Variants in SV2C observed in about 807,000 individuals in gnomAD.
The protein encoded by SV2C is synaptic vesicle glycoprotein 2C.
Under a neutral mutation model 79.7 loss-of-function variants are expected in SV2C, and 49 were observed. The ratio of observed to expected loss-of-function variants is 0.61; its 90% CI spans 0.49 to 0.78. The LOEUF is 0.78. SV2C is among the 30% of genes least tolerant of loss of function. SV2C has a pLI of 0.00. For synonymous variants in SV2C, 334 were observed against 333.2 expected (o/e 1.00, Z -0.03); for missense variants, 833 against 912.9 (o/e 0.91, Z 1.13).
chr5:76,036,005 C>T, the SV2C span, among the ~76,000 whole-genome samples: 1 of 152,104 alleles, frequency 6.6e-6, no homozygotes, highest in African/African-American at 2.4e-5. Context: ...ATGTAATGGC[C>T]TTCTTTGTCT....
the SV2C span, among the ~76,000 whole-genome samples, chr5:75,909,295 C>T: frequency 5.3e-5 from 8 of 152,318 alleles, no homozygotes; most frequent in African/African-American, 1.9e-4. Context: ...AAGCCTTGTT[C>T]TTATTTGGAG....
intron 1 of SV2C, among the ~76,000 whole-genome samples, chr5:76,084,433 G>A (rs1407989767): frequency 1.3e-5 from 2 of 151,750 alleles, no homozygotes; most frequent in Non-Finnish European, 2.9e-5. Context: ...TCTCCAGAGC[G>A]TCGCGGGGAG....
chr5:75,883,223 A>G, the SV2C span, among the ~76,000 whole-genome samples: 18 of 126,858 alleles, frequency 1.4e-4, no homozygotes, highest in Non-Finnish European at 2.2e-4. Flanking sequence ...AGAAATAGGA[A>G]CACTTTTACA....
At chr5:76,311,418 G>A (rs1255431930) in intron 12 of SV2C, 4 of 152,172 alleles carry the variant, frequency 2.6e-5, no homozygotes, top group South Asian at 4.1e-4. Context: ...GCGGGAAGAC[G>A]GAAAAGCAAA....
intron 1 of SV2C, among the ~76,000 whole-genome samples, chr5:76,106,296 G>A (rs1167454292): frequency 2.6e-5 from 4 of 151,830 alleles, no homozygotes; most frequent in Non-Finnish European, 4.4e-5. Context: ...CTACTATCCC[G>A]TGCCCCCTCC....
At chr5:76,095,716 AT>A (rs748447420) in intron 1 of SV2C, among the ~76,000 whole-genome samples, 1 of 152,054 alleles carries the variant, frequency 6.6e-6, no homozygotes, top group African/African-American at 2.4e-5. Context: ...CTCATAATTT[AT>A]TTTTTTGTCA....
the SV2C span, among the ~76,000 whole-genome samples, chr5:75,894,188 C>G: frequency 6.6e-6 from 1 of 152,004 alleles, no homozygotes; most frequent in South Asian, 2.1e-4. Context: ...TACTCTAGCC[C>G]AGAGGGATAT....
the SV2C span, among the ~76,000 whole-genome samples, chr5:75,882,976 A>G: frequency 6.7e-6 from 1 of 150,184 alleles, no homozygotes; most frequent in African/African-American, 2.4e-5. Context: ...TCTACAATGA[A>G]CTCAAACAAA....
intron 2 of SV2C, among the ~76,000 whole-genome samples, chr5:76,151,710 T>G (rs10805897): frequency 0.41 from 62,561 of 151,968 alleles, 13,461 homozygotes; most frequent in Middle Eastern, 0.51. Flanking sequence ...GAGAGCCCAC[T>G]TGTAGGAAGG....
chr5:75,976,960 AG>A, the SV2C span, among the ~76,000 whole-genome samples: 2 of 152,248 alleles, frequency 1.3e-5, no homozygotes, highest in Non-Finnish European at 2.9e-5. Context: ...GCTCATTACA[AG>A]TCATAACATT....
chr5:76,067,288 C>T, the SV2C span, among the ~76,000 whole-genome samples: 1 of 151,738 alleles, frequency 6.6e-6, no homozygotes, highest in Non-Finnish European at 1.5e-5. Context: ...TGTGGTAAGA[C>T]TATCAAGCCT....
chr5:76,103,344 T>C (rs1747802744), intron 1 of SV2C, among the ~76,000 whole-genome samples: 1 of 152,192 alleles, frequency 6.6e-6, no homozygotes, highest in Non-Finnish European at 1.5e-5. Flanking sequence ...CCTGAGCACA[T>C]AGAAATTTAA....
chr5:75,863,166 C>G, the SV2C span, among the ~76,000 whole-genome samples: 1 of 152,088 alleles, frequency 6.6e-6, no homozygotes, highest in South Asian at 2.1e-4. Flanking sequence ...CCAACTTCTC[C>G]CAGTATGGCT....
intron 4 of SV2C, among the ~76,000 whole-genome samples, chr5:76,220,925 G>C (rs180912529): frequency 3.9e-5 from 6 of 152,292 alleles, no homozygotes; most frequent in Admixed American, 2.0e-4. Flanking sequence ...AAATCCACTT[G>C]AATCTCATTG....
At chr5:76,053,318 T>TA in the SV2C span, among the ~76,000 whole-genome samples, 14 of 152,186 alleles carry the variant, frequency 9.2e-5, no homozygotes, top group African/African-American at 3.4e-4. Flanking sequence ...GATACAATGC[T>TA]AGTCTCTGGA....
the SV2C span, among the ~76,000 whole-genome samples, chr5:75,890,008 C>T: frequency 2.0e-5 from 3 of 151,956 alleles, no homozygotes; most frequent in Non-Finnish European, 4.4e-5. Context: ...ATTTTAGAGA[C>T]GTGACCAAGA....
intron 4 of SV2C, among the ~76,000 whole-genome samples, chr5:76,277,710 A>G (rs1447730940): frequency 6.6e-6 from 1 of 151,834 alleles, no homozygotes; most frequent in Non-Finnish European, 1.5e-5. Flanking sequence ...CAGTGCTGAG[A>G]TCACGCCACT....
chr5:76,089,253 C>T (rs138615215), intron 1 of SV2C, among the ~76,000 whole-genome samples: 2,361 of 152,210 alleles, frequency 0.016, 36 homozygotes, highest in South Asian at 0.049. Context: ...TGTTCAGCTC[C>T]GACTTATAAG....
At chr5:76,109,847 T>C (rs1748044682) in intron 1 of SV2C, among the ~76,000 whole-genome samples, 1 of 152,200 alleles carries the variant, frequency 6.6e-6, no homozygotes, top group South Asian at 2.1e-4. Context: ...AGACAATCTA[T>C]TTCTATTGTT....
Sources: allele counts gnomAD v4.1 joint callset (sites outside exome capture counted in the v4.1 genomes callset), GRCh38; gene constraint gnomAD v4.1.1; transcripts MANE v1.5; gene names NCBI Gene and HGNC (gene_info 2026-07-23, HGNC 2026-07-21).